C2orf49: variants seen among roughly 807,000 people sequenced by gnomAD.
C2orf49 encodes tRNA-splicing ligase complex subunit ASW.
A neutral mutation model predicts 20.6 loss-of-function variants in C2orf49; 11 were observed. The observed-to-expected ratio is 0.53, with a 90% CI of 0.34 to 0.88. The LOEUF is 0.88. C2orf49 is among the 40% of genes least tolerant of loss of function. The pLI is 0.02. For missense variants in C2orf49, 289 were observed against 274.2 expected (o/e 1.05, Z -0.38); for synonymous variants, 134 against 108.5 (o/e 1.24, Z -1.46).
intron 3 of C2orf49, 142 bp downstream of exon 3, chr2:105,343,365 T>C: frequency 1.5e-6 from 1 of 684,448 alleles, no homozygotes; most frequent in Non-Finnish European, 2.2e-6. Context: ...ATAATACAAC[T>C]TATTACTCCA....
the C2orf49 span, among the ~76,000 whole-genome samples, chr2:105,379,986 G>A: frequency 5.3e-5 from 8 of 152,318 alleles, no homozygotes; most frequent in South Asian, 1.7e-3. Flanking sequence ...TCTGAATGGG[G>A]CGCCCAGTTT....
intron 1 of C2orf49, 108 bp downstream of exon 1, chr2:105,337,794 G>C (rs1237573049): frequency 1.0e-6 from 1 of 1,000,338 alleles, no homozygotes; most frequent in African/African-American, 1.6e-5. Context: ...CTCCCGCCGG[G>C]TTTGTGTCAC....
chr2:105,356,264 G>A, the C2orf49 span, among the ~76,000 whole-genome samples: 21 of 152,232 alleles, frequency 1.4e-4, no homozygotes, highest in African/African-American at 2.9e-4. Context: ...GGTGGCAGGC[G>A]CCTGTAATCC....
rs141298480 is a variant in C2orf49, at chr2:105,343,090, A to G, written c.509A>G (p.Asp170Gly). The change falls in exon 3 of 4, where the codon GAC (aspartate) becomes GGC (glycine). Residue 170 changes from aspartate to glycine, a missense_variant. By Grantham distance (94) the Asp-to-Gly change is moderately conservative. Transcript: ENST00000258457. Reference protein sequence around the residue: ...VNNKTEHNNNDAKQNHDLTHR... With the variant: ...VNNKTEHNNNGAKQNHDLTHR... ...AATAAAACGGAACACAATAATAATGACGCTAAACAGAACCATGACTTAACG... is the reference window on the plus strand; with the variant it reads ...AATAAAACGGAACACAATAATAATGGCGCTAAACAGAACCATGACTTAACG... 9.9e-6 allele frequency: 16 copies of G among 1,614,102 alleles called. No individual in the cohort carries two copies. Among genetic ancestry groups the G allele is most frequent in the Non-Finnish European group, 1.4e-5 (16 of 1,180,054 alleles).
chr2:105,363,926 G>A, the C2orf49 span, among the ~76,000 whole-genome samples: 1 of 152,186 alleles, frequency 6.6e-6, no homozygotes, highest in African/African-American at 2.4e-5. Context: ...GGAAGTGAGG[G>A]TGATGAGGTT....
the C2orf49 span, among the ~76,000 whole-genome samples, chr2:105,379,389 A>G: frequency 6.6e-6 from 1 of 152,234 alleles, no homozygotes; most frequent in Non-Finnish European, 1.5e-5. Flanking sequence ...CAATGAGAAT[A>G]TCTGCCACCT....
the C2orf49 span, chr2:105,374,056 A>G: frequency 1.7e-5 from 6 of 355,410 alleles, no homozygotes; most frequent in African/African-American, 4.2e-5. Flanking sequence ...AAACATGAAC[A>G]CCTATCAATT....
downstream of C2orf49, among the ~76,000 whole-genome samples, chr2:105,349,812 G>C (rs1422371612): frequency 6.6e-6 from 1 of 152,224 alleles, no homozygotes; most frequent in African/African-American, 2.4e-5. Flanking sequence ...TTTGAAGAGA[G>C]CATGCCTAAG....
chr2:105,345,626 A>G lies in C2orf49; in HGVS notation c.*255A>G, dbSNP rs1679792319. On this transcript the variant is annotated 3_prime_UTR_variant, in exon 4 of 4. Transcript: ENST00000258457. The stretch of plus-strand genomic sequence containing the variant: ...CAATGGCTTAGTATATGTCATTTAT[A>G]TTGACCCTACTGAAATTATTAGCTA... 1 of 463,956 alleles carries G rather than the reference A, an allele frequency of 2.2e-6. No individual in the cohort carries two copies. Among genetic ancestry groups the G allele is most frequent in the Non-Finnish European group, 3.8e-6 (1 of 261,852 alleles). The allele number at this position is 463,956 out of a possible 1,614,324, so 28.7% of individuals were successfully genotyped here.
the C2orf49 span, among the ~76,000 whole-genome samples, chr2:105,382,934 G>T: frequency 6.6e-6 from 1 of 152,156 alleles, no homozygotes; most frequent in African/African-American, 2.4e-5. Flanking sequence ...CACCCAGGCT[G>T]GAGTACAGTG....
chr2:105,353,873 T>C (rs1679992250), downstream of C2orf49, among the ~76,000 whole-genome samples: 1 of 152,224 alleles, frequency 6.6e-6, no homozygotes, highest in Non-Finnish European at 1.5e-5. Context: ...TATGATTAAG[T>C]GATATGCAAG....
At chr2:105,381,717 C>T in the C2orf49 span, among the ~76,000 whole-genome samples, 10 of 152,136 alleles carry the variant, frequency 6.6e-5, no homozygotes, top group South Asian at 2.1e-4. Context: ...CAAATAAATA[C>T]GCGTTTTCAG....
At chr2:105,375,842 G>A in the C2orf49 span, 1 of 152,168 alleles carries the variant, frequency 6.6e-6, no homozygotes, top group Admixed American at 6.5e-5. Context: ...GGGGGCAGAG[G>A]GCTAACCTGT....
chr2:105,350,078 C>A (rs549378274), downstream of C2orf49, among the ~76,000 whole-genome samples: 3 of 152,332 alleles, frequency 2.0e-5, no homozygotes, highest in African/African-American at 7.2e-5. Flanking sequence ...CAGATGTGAC[C>A]ACTAGTCACC....
downstream of C2orf49, among the ~76,000 whole-genome samples, chr2:105,352,591 C>T (rs546569980): frequency 9.9e-5 from 15 of 151,516 alleles, no homozygotes; most frequent in South Asian, 6.2e-4. Context: ...ACTATAGGCA[C>T]GCACCACCAC....
Position 105,337,597 on chromosome 2 carries a change from G to A in C2orf49, c.10G>A (p.Asp4Asn), listed in dbSNP as rs142827498. 334 of 1,613,194 alleles carry A rather than the reference G, an allele frequency of 2.1e-4. 1 individual carries two copies. Among genetic ancestry groups the A allele is most frequent in the Middle Eastern group, 3.3e-4 (2 of 6,054 alleles). The part of the protein sequence containing the change: MAG[D>N]VGGRSCTDSE... ...TCTCCTGGCGACGACCATGGCGGGG[G>A]ATGTGGGCGGTCGCAGCTGCACGGA... The change falls in exon 1 of 4, where the codon GAT (aspartate) becomes AAT (asparagine). Residue 4 changes from aspartate (D) to asparagine (N), a missense_variant. Coordinates refer to ENST00000258457, the MANE Select transcript of C2orf49 (RefSeq NM_024093.3).
downstream of C2orf49, among the ~76,000 whole-genome samples, chr2:105,352,452 G>GTT (rs71379724): frequency 0.18 from 12,564 of 68,790 alleles, 1,259 homozygotes; most frequent in South Asian, 0.28. Context: ...TTTTTTTTTC[G>GTT]TTTTTTTTTT....
At chr2:105,352,429 G>GTTTTTTTTTTTTTTTTTTT (rs61585149), downstream of C2orf49, among the ~76,000 whole-genome samples, 1 of 80,758 alleles carries the variant, frequency 1.2e-5, no homozygotes, top group Non-Finnish European at 2.1e-5. Context: ...GTTTGTTTGG[G>GTTTTTTTTTTTTTTTTTTT]TTTTTTTTTT....
At chr2:105,338,488 C>T (rs1010905892) in intron 1 of C2orf49, among the ~76,000 whole-genome samples, 2 of 152,138 alleles carry the variant, frequency 1.3e-5, no homozygotes, top group African/African-American at 4.8e-5. Context: ...TTGTTGGGCT[C>T]CGTCCTCAGT....
Sources: allele counts gnomAD v4.1 joint callset (sites outside exome capture counted in the v4.1 genomes callset), GRCh38; gene constraint gnomAD v4.1.1; transcripts MANE v1.5; gene names NCBI Gene and HGNC (gene_info 2026-07-23, HGNC 2026-07-21).